The following DAB1 variants were observed in gnomAD, a reference collection of about 807,000 sequenced individuals.
DAB1 encodes disabled homolog 1.
DAB1 carries 15 observed loss-of-function variants against 64.6 expected under a neutral mutation model. The observed-to-expected ratio is 0.23, with a 90% CI of 0.16 to 0.36. The LOEUF is 0.36. Among genes scored for constraint, DAB1 ranks in the 10% least tolerant of loss-of-function variants. DAB1 has a pLI of 1.00. For missense variants in DAB1, 596 were observed against 706.7 expected (o/e 0.84, Z 1.78); for synonymous variants, 235 against 251.9 (o/e 0.93, Z 0.64).
At chr1:57,163,407 T>C (rs974790592) in intron 2 of DAB1, among the ~76,000 whole-genome samples, 3 of 151,920 alleles carry the variant, frequency 2.0e-5, no homozygotes, top group Admixed American at 1.3e-4. Flanking sequence ...GGCCTGTTTA[T>C]AAAACAGAAA....
Position 57,399,709 on chromosome 1 carries a change from C to T in DAB1, c.-137+24221G>A, listed in dbSNP as rs572936978. Among the ~76,000 whole-genome samples, 8 of 152,262 alleles carry T rather than the reference C, an allele frequency of 5.3e-5. No individual in the cohort carries two copies. The South Asian group carries it at 1.2e-3, about 24-fold the overall frequency. On this transcript the variant is annotated intron_variant, in intron 1 of 14. Transcript: ENST00000371236. ...AGACTGATAGAAGTAAAGTGACTTG[C>T]CCAAGGTCATACAGCTAGTAAGCTA...
chr1:58,056,498 G>C, intron 5 of DAB1: 1 of 1,241,644 alleles, frequency 8.1e-7, no homozygotes, highest in Non-Finnish European at 1.2e-6. Flanking sequence ...GCACGGACCA[G>C]AGAGAGCTCA....
chr1:58,300,652 G>A (rs1662144358), intron 4 of DAB1, among the ~76,000 whole-genome samples: 2 of 84,654 alleles, frequency 2.4e-5, no homozygotes, highest in Non-Finnish European at 4.6e-5. Context: ...GAGAGAGGAA[G>A]GAAGGAAGGA....
At chr1:57,736,191 T>C (rs972266885) in intron 6 of DAB1, among the ~76,000 whole-genome samples, 7 of 152,174 alleles carry the variant, frequency 4.6e-5, no homozygotes, top group African/African-American at 9.7e-5. Context: ...AGAACTGATA[T>C]ATTTTTCAGC....
chr1:58,257,848 C>T (rs775479493), intron 4 of DAB1, among the ~76,000 whole-genome samples: 30 of 152,284 alleles, frequency 2.0e-4, no homozygotes, highest in South Asian at 4.1e-4. Context: ...CAAAAGGTTA[C>T]GTGCATCTGG....
chr1:58,168,641 T>A (rs1466369022), intron 4 of DAB1, among the ~76,000 whole-genome samples: 1 of 152,106 alleles, frequency 6.6e-6, no homozygotes, highest in African/African-American at 2.4e-5. Context: ...ACCTGGAATT[T>A]TAGGATCCCT....
At chr1:57,278,609 G>A (rs981761179) in intron 2 of DAB1, among the ~76,000 whole-genome samples, 5 of 152,308 alleles carry the variant, frequency 3.3e-5, no homozygotes, top group African/African-American at 9.6e-5. Flanking sequence ...CTCTATGGCA[G>A]TGCTATCTGA....
intron 7 of DAB1, among the ~76,000 whole-genome samples, chr1:57,446,834 G>C (rs1686160203): frequency 6.6e-6 from 1 of 152,110 alleles, no homozygotes; most frequent in African/African-American, 2.4e-5. Flanking sequence ...TCTTGGGGAT[G>C]AAAAAATGCA....
At chr1:57,458,504 A>T (rs192421138) in intron 7 of DAB1, among the ~76,000 whole-genome samples, 9 of 152,162 alleles carry the variant, frequency 5.9e-5, no homozygotes, top group African/African-American at 2.2e-4. Flanking sequence ...GTGAATGAGT[A>T]ACTTTTACTA....
chr1:58,179,679 T>G (rs879337342), intron 4 of DAB1, among the ~76,000 whole-genome samples: 4 of 152,102 alleles, frequency 2.6e-5, no homozygotes, highest in African/African-American at 4.8e-5. Context: ...AGTAATGTCA[T>G]CTCTTTCATT....
intron 3 of DAB1, among the ~76,000 whole-genome samples, chr1:58,432,683 C>T (rs1410100049): frequency 6.6e-6 from 1 of 152,226 alleles, no homozygotes; most frequent in Non-Finnish European, 1.5e-5. Flanking sequence ...AGGACCACCT[C>T]GCTCTCTCCC....
At chr1:57,469,182 A>C (rs1687057027) in intron 7 of DAB1, among the ~76,000 whole-genome samples, 1 of 152,234 alleles carries the variant, frequency 6.6e-6, no homozygotes, top group South Asian at 2.1e-4. Flanking sequence ...CTATGTGAGC[A>C]TGTATCTGTT....
chr1:57,656,186 C>T (rs951455059), intron 6 of DAB1, among the ~76,000 whole-genome samples: 1 of 152,158 alleles, frequency 6.6e-6, no homozygotes, highest in African/African-American at 2.4e-5. Context: ...AGCCATGGTG[C>T]CACCCTGGTC....
intron 9 of DAB1, among the ~76,000 whole-genome samples, chr1:57,035,402 C>T (rs1647108439): frequency 6.6e-6 from 1 of 152,068 alleles, no homozygotes; most frequent in Non-Finnish European, 1.5e-5. Flanking sequence ...CCACCATGTC[C>T]CATATAATGA....
chr1:58,433,108 A>AC (rs1009219971), intron 3 of DAB1, among the ~76,000 whole-genome samples: 4 of 150,522 alleles, frequency 2.7e-5, no homozygotes, highest in Non-Finnish European at 5.9e-5. Flanking sequence ...GGCCTCCCAC[A>AC]CCCCCCCTAT....
intron 3 of DAB1, chr1:58,468,099 A>C (rs1366969553): frequency 2.0e-5 from 3 of 152,074 alleles, no homozygotes; most frequent in African/African-American, 7.2e-5. Context: ...TGATTTTTGT[A>C]TTTTTAGTAG....
rs143847488 is a variant in DAB1, at chr1:57,980,980, T to C, written n.388-96818A>G. 4.4e-3 allele frequency among the ~76,000 whole-genome samples: 667 copies of C among 151,732 alleles called. 5 individuals carry two copies. The highest frequency in any genetic ancestry group is 0.015 in the African/African-American group (625 of 41,420). The stretch of plus-strand genomic sequence containing the variant: ...ATATATATGAATATAAAGAGATAGA[T>C]ACATACATACATACAAGGATAATAT... On this transcript the variant is annotated intron_variant and non_coding_transcript_variant, in intron 5 of 20. Coordinates refer to the DAB1 transcript ENST00000485760.
intron 5 of DAB1, among the ~76,000 whole-genome samples, chr1:58,133,878 G>T (rs952581820): frequency 6.6e-6 from 1 of 151,976 alleles, no homozygotes; most frequent in South Asian, 2.1e-4. Context: ...TTAATCTTTG[G>T]GGCCTGTCAA....
At chr1:57,771,625 A>G (rs1247504525) in intron 6 of DAB1, among the ~76,000 whole-genome samples, 3 of 152,130 alleles carry the variant, frequency 2.0e-5, no homozygotes, top group African/African-American at 7.2e-5. Flanking sequence ...TATTTTAAGT[A>G]TACTCAATCA....
Sources: allele counts gnomAD v4.1 joint callset (sites outside exome capture counted in the v4.1 genomes callset), GRCh38; gene constraint gnomAD v4.1.1; transcripts MANE v1.5; gene names NCBI Gene and HGNC (gene_info 2026-07-23, HGNC 2026-07-21).